Variants in SNCAIP observed in about 807,000 individuals in gnomAD.
SNCAIP encodes the protein synphilin-1.
In SNCAIP, 43 loss-of-function variants were observed where a neutral mutation model predicts 86.7. The observed-to-expected ratio is 0.50, with a 90% CI of 0.39 to 0.64. SNCAIP has a LOEUF of 0.64. Among genes scored for constraint, SNCAIP ranks in the 30% least tolerant of loss-of-function variants. SNCAIP has a pLI of 0.00. For synonymous variants in SNCAIP, 417 were observed against 427.2 expected, an observed-to-expected ratio of 0.98 and a Z score of 0.29; for missense variants, 981 against 1,103.1, an observed-to-expected ratio of 0.89 and a Z score of 1.57.
intron 1 of SNCAIP, chr5:122,323,370 T>C (rs1053725340): frequency 1.3e-5 from 2 of 152,258 alleles, no homozygotes; most frequent in Non-Finnish European, 2.9e-5. Context: ...CAGTGTTTAC[T>C]CCTGTTGCTA....
chr5:122,413,035 G>C (rs1246341802), intron 3 of SNCAIP, among the ~76,000 whole-genome samples: 2 of 152,170 alleles, frequency 1.3e-5, no homozygotes, highest in Non-Finnish European at 2.9e-5. Flanking sequence ...AAGTGATTAG[G>C]TCAAGAGGAT....
At chr5:122,425,256 AAGCTCATTT>A in intron 4 of SNCAIP, 87 bp from the exon 5 acceptor site, 1 of 923,184 alleles carries the variant, frequency 1.1e-6, no homozygotes, top group Non-Finnish European at 1.8e-6. Context: ...GAGCTTCTAT[AAGCTCATTT>A]CTTCTTTCCA....
chr5:122,328,664 G>T (rs1409755960), intron 1 of SNCAIP, among the ~76,000 whole-genome samples: 1 of 152,004 alleles, frequency 6.6e-6, no homozygotes, highest in Non-Finnish European at 1.5e-5. Flanking sequence ...ATCAGTTCTT[G>T]CTCCGTTAAC....
intron 1 of SNCAIP, among the ~76,000 whole-genome samples, chr5:122,341,774 C>T (rs1757646932): frequency 6.6e-6 from 1 of 152,066 alleles, no homozygotes. Context: ...CATGTAAAAT[C>T]CACCCCTAGT....
rs530950115 is a variant in SNCAIP at position 122,350,743 on chromosome 5, C to A, written c.-47+38459C>A. On this transcript the variant is annotated intron_variant, in intron 1 of 10. Coordinates refer to ENST00000261368, the MANE Select transcript of SNCAIP (RefSeq NM_005460.4). ...ATGAGACAGGTCTCAAAACTGCCTG[C>A]AGGCTGCTTTGCAGCAAGCCTGACC... 1.6e-4 allele frequency among the ~76,000 whole-genome samples: 25 copies of A among 152,304 alleles called. 1 individual carries two copies. In the South Asian group the frequency reaches 5.2e-3, roughly 32 times the overall value.
chr5:122,445,874 C>G (rs1023478335), intron 8 of SNCAIP, among the ~76,000 whole-genome samples: 2 of 151,978 alleles, frequency 1.3e-5, no homozygotes, highest in Non-Finnish European at 2.9e-5. Context: ...TTCTCTCTCT[C>G]CTTCCACTCT....
intron 1 of SNCAIP, among the ~76,000 whole-genome samples, chr5:122,343,099 C>CTCATTT (rs1757916372): frequency 1.3e-5 from 2 of 152,268 alleles, no homozygotes; most frequent in African/African-American, 4.8e-5. Context: ...CATAGAAGTC[C>CTCATTT]TCATACCAAC....
chr5:122,390,076 A>G (rs1374881387), intron 1 of SNCAIP, among the ~76,000 whole-genome samples: 1 of 152,038 alleles, frequency 6.6e-6, no homozygotes, highest in Admixed American at 6.6e-5. Context: ...CCAGTAATGC[A>G]CTCCTTATTG....
intron 1 of SNCAIP, among the ~76,000 whole-genome samples, chr5:122,353,320 G>A (rs1327963527): frequency 6.6e-6 from 1 of 151,868 alleles, no homozygotes. Context: ...TAGGAGGACA[G>A]TGACTGAAAT....
intron 1 of SNCAIP, among the ~76,000 whole-genome samples, chr5:122,315,800 AG>A (rs1389671746): frequency 2.6e-5 from 4 of 152,292 alleles, no homozygotes; most frequent in Admixed American, 6.5e-5. Context: ...GGCTGGTGGC[AG>A]GGTGAGCTGA....
chr5:122,328,526 G>A (rs992248610), intron 1 of SNCAIP, among the ~76,000 whole-genome samples: 53 of 152,006 alleles, frequency 3.5e-4, no homozygotes, highest in African/African-American at 1.2e-3. Context: ...TTACTTATTT[G>A]TTAAATTGTT....
Position 122,449,894 on chromosome 5 carries a change from G to C in SNCAIP, c.1642G>C (p.Glu548Gln), listed in dbSNP as rs756106345. ...TLQNQLQQFL[E>Q]AQKSEGKSLP... ...GCAGAACCAACTCCAACAATTTCTA[G>C]AAGCCCAGAAATCAGAGGGCAAGTC... Residue 548 changes from glutamate to glutamine, a missense_variant, in exon 9 of 11, where the codon GAA (glutamate) becomes CAA (glutamine). Glu to Gln is a conservative substitution (Grantham distance 29). Coordinates refer to ENST00000261368, the MANE Select transcript of SNCAIP (RefSeq NM_005460.4). 5.0e-6 allele frequency: 8 copies of C among 1,614,030 alleles called. No homozygotes were observed. Among genetic ancestry groups the C allele is most frequent in the Non-Finnish European group, 6.8e-6 (8 of 1,179,924 alleles).
rs559414042 is a variant in SNCAIP, at chr5:122,373,399, G to T, written c.-46-17690G>T. On this transcript the variant is annotated intron_variant, in intron 1 of 10. Transcript: ENST00000261368. ...CAGTTGATGATTTTATCAACATAGTGGATTTATTTAAAAATCCAGGTTGTC... is the reference window on the plus strand; with the variant it reads ...CAGTTGATGATTTTATCAACATAGTTGATTTATTTAAAAATCCAGGTTGTC... 1.1e-3 allele frequency among the ~76,000 whole-genome samples: 171 copies of T among 152,100 alleles called. 1 individual carries two copies. The highest frequency in any genetic ancestry group is 9.7e-3 in the South Asian group (47 of 4,822).
chr5:122,369,421 G>A (rs1006448642), intron 1 of SNCAIP, among the ~76,000 whole-genome samples: 9 of 152,182 alleles, frequency 5.9e-5, no homozygotes, highest in Non-Finnish European at 1.2e-4. Context: ...AACCTAGATT[G>A]CCTCAGGCCA....
chr5:122,415,315 G>A (rs1288239476), intron 3 of SNCAIP, among the ~76,000 whole-genome samples: 1 of 152,200 alleles, frequency 6.6e-6, no homozygotes, highest in African/African-American at 2.4e-5. Flanking sequence ...CCAGCACTGG[G>A]TCTTCCATTT....
intron 1 of SNCAIP, among the ~76,000 whole-genome samples, chr5:122,380,197 G>T (rs1441279680): frequency 2.6e-5 from 4 of 152,106 alleles, no homozygotes; most frequent in Non-Finnish European, 5.9e-5. Context: ...GTAAACTATT[G>T]ATTATTGCCA....
intron 8 of SNCAIP, among the ~76,000 whole-genome samples, chr5:122,447,270 C>G (rs1782529334): frequency 6.6e-6 from 1 of 152,188 alleles, no homozygotes; most frequent in Admixed American, 6.5e-5. Flanking sequence ...CTTCCAGCCT[C>G]CAGAGCTGTG....
intron 1 of SNCAIP, among the ~76,000 whole-genome samples, chr5:122,366,072 AC>A (rs1763126658): frequency 2.0e-5 from 3 of 152,176 alleles, no homozygotes; most frequent in Admixed American, 2.0e-4. Flanking sequence ...ATAAACAGAA[AC>A]CATTCTAAAT....
At chr5:122,337,189 G>A (rs1756656865) in intron 1 of SNCAIP, among the ~76,000 whole-genome samples, 1 of 152,114 alleles carries the variant, frequency 6.6e-6, no homozygotes, top group African/African-American at 2.4e-5. Context: ...TATATTGTGG[G>A]TGCAGAACAA....
Sources: allele counts gnomAD v4.1 joint callset (sites outside exome capture counted in the v4.1 genomes callset), GRCh38; gene constraint gnomAD v4.1.1; transcripts MANE v1.5; gene names NCBI Gene and HGNC (gene_info 2026-07-23, HGNC 2026-07-21).